TBC1D32: variants seen among roughly 807,000 people sequenced by gnomAD.
TBC1D32 encodes the protein TBC1 domain family member 32.
In TBC1D32, 151 loss-of-function variants were observed where a neutral mutation model predicts 170.3. The observed-to-expected ratio is 0.89, with a 90% confidence interval of 0.78 to 1.01. The LOEUF is 1.01. Among genes scored for constraint, TBC1D32 ranks in the 50% least tolerant of loss-of-function variants. TBC1D32 has a pLI of 0.00. For synonymous variants in TBC1D32, 498 were observed against 488.0 expected (o/e 1.02, Z -0.27); for missense variants, 1,464 against 1,457.1 (o/e 1.00, Z -0.08).
At chr6:121,127,237 C>T (rs1562570928) in intron 25 of TBC1D32, among the ~76,000 whole-genome samples, 1 of 152,032 alleles carries the variant, frequency 6.6e-6, no homozygotes, top group Non-Finnish European at 1.5e-5. Context: ...AACCCTATTC[C>T]ACAAACAAGT....
chr6:121,080,768 G>A lies in TBC1D32; in HGVS notation c.*3C>T, dbSNP rs1323205585. On this transcript the variant is annotated 3_prime_UTR_variant, in exon 32 of 32. Transcript: ENST00000398212. ...CCTAAATTTAAACCGTGTGTCTCAT[G>A]ATCTATGTGCTCTGCAGTCTAATGT... 1.9e-6 allele frequency: 3 copies of A among 1,606,440 alleles called. No individual in the cohort carries two copies.
intron 4 of TBC1D32, 67 bp from the exon 5 acceptor site, chr6:121,308,168 A>G (rs1015749353): frequency 3.4e-6 from 5 of 1,464,174 alleles, no homozygotes; most frequent in East Asian, 2.3e-5. Flanking sequence ...TTCCAAAACA[A>G]TATTTAACAA....
At chr6:121,184,049 AT>A (rs1381518850) in intron 22 of TBC1D32, among the ~76,000 whole-genome samples, 1 of 152,090 alleles carries the variant, frequency 6.6e-6, no homozygotes, top group African/African-American at 2.4e-5. Context: ...CATCATCAAT[AT>A]AAAAATTTCT....
intron 26 of TBC1D32, among the ~76,000 whole-genome samples, chr6:121,121,758 GT>G (rs761285562): frequency 6.6e-6 from 1 of 151,752 alleles, no homozygotes; most frequent in Non-Finnish European, 1.5e-5. Flanking sequence ...ATTTATTGAC[GT>G]TATTGTTCTA....
chr6:121,122,647 C>CAAAAA (rs1780390532), intron 26 of TBC1D32, among the ~76,000 whole-genome samples: 2 of 152,054 alleles, frequency 1.3e-5, no homozygotes, highest in Non-Finnish European at 2.9e-5. Flanking sequence ...CTTCCCAGAT[C>CAAAAA]CTTTTTCTGT....
chr6:121,080,575 C>T lies in TBC1D32; in HGVS notation c.*196G>A, dbSNP rs1158719535. ...AAGCTAGATCTGATTCTATAATAAC[C>T]TTACAAAACAACAAATTTACAAAAA... On this transcript the variant is annotated 3_prime_UTR_variant, in exon 32 of 32. Coordinates refer to ENST00000398212, the MANE Select transcript of TBC1D32 (RefSeq NM_152730.6). 1.5e-5 allele frequency: 10 copies of T among 656,062 alleles called. No individual in the cohort carries two copies. In the African/African-American group the frequency reaches 1.7e-4, roughly 11 times the overall value. 40.6% of individuals were successfully genotyped at this position (656,062 alleles called of 1,614,324 possible).
intron 20 of TBC1D32, among the ~76,000 whole-genome samples, chr6:121,229,824 C>T (rs1374274078): frequency 1.3e-5 from 2 of 152,120 alleles, no homozygotes; most frequent in East Asian, 3.9e-4. Flanking sequence ...GTAATCCCTA[C>T]ATGCCAAAGG....
intron 24 of TBC1D32, among the ~76,000 whole-genome samples, chr6:121,156,333 C>A (rs980623690): frequency 6.6e-6 from 1 of 151,222 alleles, no homozygotes; most frequent in Admixed American, 6.6e-5. Flanking sequence ...GTATTTTGAT[C>A]TTTTGTATTT....
chr6:121,197,211 G>A (rs1354256930), intron 22 of TBC1D32, among the ~76,000 whole-genome samples: 1 of 152,176 alleles, frequency 6.6e-6, no homozygotes, highest in Non-Finnish European at 1.5e-5. Context: ...AGATCCATTA[G>A]GGCATCTCTT....
intron 21 of TBC1D32, among the ~76,000 whole-genome samples, chr6:121,210,786 G>A (rs1048950854): frequency 1.3e-5 from 2 of 152,082 alleles, no homozygotes; most frequent in African/African-American, 2.4e-5. Flanking sequence ...ATGGTATAAG[G>A]GAAGTTCTCC....
At chr6:121,249,218 T>C (rs116591264) in intron 17 of TBC1D32, among the ~76,000 whole-genome samples, 2,866 of 151,490 alleles carry the variant, frequency 0.019, 33 homozygotes, top group South Asian at 0.042. Flanking sequence ...TTATTATTAT[T>C]ATTATTATCT....
intron 20 of TBC1D32, among the ~76,000 whole-genome samples, chr6:121,224,065 C>T (rs945700609): frequency 6.6e-6 from 1 of 152,144 alleles, no homozygotes; most frequent in African/African-American, 2.4e-5. Context: ...CTCTAATTGA[C>T]ACGATTCTAC....
intron 21 of TBC1D32, among the ~76,000 whole-genome samples, chr6:121,214,276 C>T (rs1793529523): frequency 6.6e-6 from 1 of 152,200 alleles, no homozygotes; most frequent in Non-Finnish European, 1.5e-5. Flanking sequence ...AGCTGGAAAC[C>T]TGTGTGGCCT....
At chr6:121,264,817 T>C (rs1040895340) in intron 15 of TBC1D32, among the ~76,000 whole-genome samples, 1 of 152,054 alleles carries the variant, frequency 6.6e-6, no homozygotes, top group Non-Finnish European at 1.5e-5. Context: ...ACAAAAATCA[T>C]GATTACCTCA....
At chr6:121,233,101 T>G (rs1319474907) in intron 20 of TBC1D32, among the ~76,000 whole-genome samples, 1 of 152,152 alleles carries the variant, frequency 6.6e-6, no homozygotes, top group Non-Finnish European at 1.5e-5. Flanking sequence ...TTTCTTAAAT[T>G]TACTGAGACT....
At position 121,126,415 on chromosome 6, in the gene TBC1D32, G is replaced by A; in HGVS notation, c.2946C>T (p.Ser982=). ...LEKFVLHLTE[S]PSECYFPSVE... ...CTGAAGGGAAGTAGCATTCAGATGG[G>A]CTTTCAGTGAGATGAAGCACAAATT... is the stretch of plus-strand genomic sequence containing the variant. Residue 982 remains serine (S), a synonymous_variant, in exon 26 of 32, where the codon AGC becomes AGT. Transcript: ENST00000398212. The A allele has an allele frequency of 6.2e-7, 1 of 1,612,744 alleles. No homozygotes were observed. The highest frequency in any genetic ancestry group is 8.5e-7 in the Non-Finnish European group (1 of 1,179,368).
intron 20 of TBC1D32, among the ~76,000 whole-genome samples, chr6:121,229,711 T>C (rs1795501134): frequency 6.6e-6 from 1 of 152,132 alleles, no homozygotes; most frequent in Non-Finnish European, 1.5e-5. Context: ...GTTGGGATAA[T>C]TCATGAAAAA....
chr6:121,208,331 C>A (rs1792562488), intron 21 of TBC1D32, among the ~76,000 whole-genome samples: 1 of 151,952 alleles, frequency 6.6e-6, no homozygotes, highest in African/African-American at 2.4e-5. Flanking sequence ...AGGAAACTTG[C>A]AATCATGGTG....
At chr6:121,182,916 A>G (rs1266218771) in intron 22 of TBC1D32, among the ~76,000 whole-genome samples, 3 of 152,076 alleles carry the variant, frequency 2.0e-5, no homozygotes, top group Non-Finnish European at 4.4e-5. Flanking sequence ...TTAATGGTGT[A>G]TTTTTAGATT....
Sources: allele counts gnomAD v4.1 joint callset (sites outside exome capture counted in the v4.1 genomes callset), GRCh38; gene constraint gnomAD v4.1.1; transcripts MANE v1.5; gene names NCBI Gene and HGNC (gene_info 2026-07-23, HGNC 2026-07-21).